SLC25A21: variants seen among roughly 807,000 people sequenced by gnomAD.
SLC25A21 encodes mitochondrial 2-oxodicarboxylate carrier.
SLC25A21 carries 47 observed loss-of-function variants against 43.8 expected under a neutral mutation model. That is an observed-to-expected ratio of 1.07 (90% CI 0.85 to 1.37). SLC25A21 has a LOEUF of 1.37. Among genes scored for constraint, SLC25A21 ranks in the 40% most tolerant of loss-of-function variants. The pLI is 0.00. For synonymous variants in SLC25A21, 131 were observed against 121.3 expected (o/e 1.08, Z -0.52); for missense variants, 352 against 350.2 (o/e 1.00, Z -0.04).
At chr14:36,752,285 C>G (rs150238951) in intron 3 of SLC25A21, among the ~76,000 whole-genome samples, 1 of 152,126 alleles carries the variant, frequency 6.6e-6, no homozygotes, top group African/African-American at 2.4e-5. Context: ...GGAACCCTTA[C>G]GCATTGCTTT....
chr14:36,683,983 T>A, intron 8 of SLC25A21, 103 bp from the exon 9 acceptor site: 1 of 760,378 alleles, frequency 1.3e-6, no homozygotes, highest in Non-Finnish European at 2.1e-6. Context: ...AAATAAATTA[T>A]TTGGAATTAC....
intron 1 of SLC25A21, among the ~76,000 whole-genome samples, chr14:36,949,859 A>C (rs1050977643): frequency 1.1e-4 from 17 of 152,248 alleles, no homozygotes; most frequent in African/African-American, 4.1e-4. Context: ...AGGCAAATAG[A>C]CAACAATGGG....
At chr14:36,819,590 A>C (rs576031346) in intron 2 of SLC25A21, among the ~76,000 whole-genome samples, 1 of 152,320 alleles carries the variant, frequency 6.6e-6, no homozygotes, top group South Asian at 2.1e-4. Flanking sequence ...CTGCCTTAAA[A>C]GTCTCAAGAC....
intron 1 of SLC25A21, among the ~76,000 whole-genome samples, chr14:36,987,011 G>A (rs187055055): frequency 1.2e-3 from 179 of 152,196 alleles, no homozygotes; most frequent in African/African-American, 4.0e-3. Context: ...CTCTGCTACA[G>A]CCTGGTTATT....
At position 37,080,425 on chromosome 14, in the gene SLC25A21, T is replaced by G. The variant is rs1171298693; in HGVS notation, c.70+91856A>C. Among the ~76,000 whole-genome samples the G allele has an allele frequency of 2.0e-5, 3 of 152,106 alleles. No homozygotes were observed. In the East Asian group the frequency reaches 5.8e-4, roughly 29 times the overall value. On this transcript the variant is annotated intron_variant, in intron 1 of 9. Transcript: ENST00000331299. ...CTAAGCAATATGGTAAGACCCTGTC[T>G]CTACAAAAAGTACAAAAAAACCATT... is the stretch of plus-strand genomic sequence containing the variant.
chr14:36,894,868 C>A (rs944775354), intron 1 of SLC25A21, among the ~76,000 whole-genome samples: 5 of 151,964 alleles, frequency 3.3e-5, no homozygotes, highest in African/African-American at 1.2e-4. Context: ...GTTGAACCAG[C>A]CTTGCATCCC....
At chr14:37,165,675 G>A (rs368851745) in intron 1 of SLC25A21, among the ~76,000 whole-genome samples, 1 of 152,220 alleles carries the variant, frequency 6.6e-6, no homozygotes, top group South Asian at 2.1e-4. Flanking sequence ...GTAAGAGCAG[G>A]ACCACTCAGG....
At chr14:37,067,563 A>G (rs1333078187) in intron 1 of SLC25A21, among the ~76,000 whole-genome samples, 1 of 152,194 alleles carries the variant, frequency 6.6e-6, no homozygotes, top group African/African-American at 2.4e-5. Flanking sequence ...AAGCGGAAGG[A>G]AAGTGATCCC....
chr14:36,736,201 C>G (rs543945945), intron 3 of SLC25A21, among the ~76,000 whole-genome samples: 2 of 152,198 alleles, frequency 1.3e-5, no homozygotes, highest in East Asian at 3.9e-4. Context: ...TCCCAAAGTG[C>G]TGGGATTACA....
At chr14:37,103,027 T>C (rs1434851815) in intron 1 of SLC25A21, among the ~76,000 whole-genome samples, 1 of 151,870 alleles carries the variant, frequency 6.6e-6, no homozygotes, top group Admixed American at 6.6e-5. Flanking sequence ...AACCATACTG[T>C]TTAATAATAA....
At chr14:36,699,696 G>C (rs992364763) in intron 7 of SLC25A21, among the ~76,000 whole-genome samples, 1 of 152,160 alleles carries the variant, frequency 6.6e-6, no homozygotes, top group Non-Finnish European at 1.5e-5. Context: ...CTTGCAGATC[G>C]ATCTCAGACT....
At chr14:36,790,694 A>G (rs1456225758) in intron 3 of SLC25A21, among the ~76,000 whole-genome samples, 2 of 152,186 alleles carry the variant, frequency 1.3e-5, no homozygotes, top group Admixed American at 1.3e-4. Flanking sequence ...AAAGCCATAA[A>G]ACAATGAGAT....
intron 1 of SLC25A21, among the ~76,000 whole-genome samples, chr14:37,137,152 C>G (rs535463748): frequency 1.1e-4 from 17 of 152,294 alleles, no homozygotes; most frequent in Non-Finnish European, 1.5e-5. Context: ...CGCCCGCCAC[C>G]TCGCCCAGCT....
intron 1 of SLC25A21, among the ~76,000 whole-genome samples, chr14:36,937,993 G>A (rs1892465528): frequency 1.3e-5 from 2 of 152,066 alleles, no homozygotes; most frequent in South Asian, 4.1e-4. Context: ...CTGGAGAGAA[G>A]AACAACTTTT....
At chr14:36,929,191 C>T (rs1340020893) in intron 1 of SLC25A21, among the ~76,000 whole-genome samples, 1 of 152,072 alleles carries the variant, frequency 6.6e-6, no homozygotes, top group Non-Finnish European at 1.5e-5. Flanking sequence ...ATACTGAGGT[C>T]CCCAGAAAAG....
chr14:36,816,654 C>T (rs1377844106), intron 2 of SLC25A21, among the ~76,000 whole-genome samples: 1 of 152,004 alleles, frequency 6.6e-6, no homozygotes, highest in Non-Finnish European at 1.5e-5. Context: ...CATGCACCAT[C>T]ATGCCTAGCT....
intron 1 of SLC25A21, among the ~76,000 whole-genome samples, chr14:37,165,275 G>C (rs577031227): frequency 6.6e-6 from 1 of 152,052 alleles, no homozygotes; most frequent in African/African-American, 2.4e-5. Context: ...TACTCAGAAG[G>C]CTGAGGCAAA....
intron 1 of SLC25A21, among the ~76,000 whole-genome samples, chr14:36,901,337 T>C (rs1418758681): frequency 1.3e-5 from 2 of 152,134 alleles, no homozygotes; most frequent in Admixed American, 6.6e-5. Flanking sequence ...GCCTTCCAAA[T>C]AGTAGCACAA....
chr14:36,832,439 T>C (rs921205001), intron 2 of SLC25A21, among the ~76,000 whole-genome samples: 1 of 152,196 alleles, frequency 6.6e-6, no homozygotes, highest in African/African-American at 2.4e-5. Context: ...ATAAATATCC[T>C]ATTGCTTTGA....
Sources: gnomAD v4.1 joint callset for allele counts (sites outside exome capture counted in the v4.1 genomes callset) on GRCh38, gnomAD v4.1.1 for gene constraint, MANE v1.5 for transcripts, NCBI Gene and HGNC (gene_info 2026-07-23, HGNC 2026-07-21) for gene names.